ARHGEF10L: variants seen among roughly 807,000 people sequenced by gnomAD.
The protein encoded by ARHGEF10L is Rho guanine nucleotide exchange factor 10 like, also known as rho guanine nucleotide exchange factor 10-like protein.
In ARHGEF10L, 69 loss-of-function variants were observed where a neutral mutation model predicts 141.2. The ratio of observed to expected loss-of-function variants is 0.49; its 90% confidence interval spans 0.40 to 0.60. The LOEUF (loss-of-function observed/expected upper bound fraction) is 0.60, where lower values mean the gene tolerates loss of function less well. Ranked by LOEUF, ARHGEF10L falls within the 20% of genes least tolerant of loss-of-function variation. ARHGEF10L has a pLI of 0.00. For synonymous variants in ARHGEF10L, 711 were observed against 718.5 expected, an observed-to-expected ratio of 0.99 and a Z score of 0.17; for missense variants, 1,482 against 1,734.3, an observed-to-expected ratio of 0.85 and a Z score of 2.58.
At position 17,655,940 on chromosome 1, in the gene ARHGEF10L, C is replaced by A; in HGVS notation, c.2543C>A (p.Ser848Ter). Residue 848 changes from serine (S) to a stop codon, truncating the protein, a stop_gained, in exon 24 of 29, where the codon TCG becomes TAG. Coordinates refer to ENST00000361221, the MANE Select transcript of ARHGEF10L (RefSeq NM_018125.4). LOFTEE classifies it high-confidence loss of function. ...GAAATCTTTTCCTTGAACCGGCCCT[C>A]GCCCCGCACCGTCAAGTCCTTCCCA... ...QVEIFSLNRP[S>*]PRTVKSFPLA... 6.4e-7 allele frequency: 1 copy of A among 1,559,070 alleles called. No individual in the cohort carries two copies. Among genetic ancestry groups the A allele is most frequent in the Non-Finnish European group, 8.7e-7 (1 of 1,151,128 alleles).
intron 27 of ARHGEF10L, among the ~76,000 whole-genome samples, chr1:17,690,541 G>A (rs1041314706): frequency 8.5e-5 from 13 of 152,368 alleles, no homozygotes; most frequent in African/African-American, 2.4e-4. Flanking sequence ...CATTCCTGTC[G>A]CATCAGCTGC....
chr1:17,544,338 T>C (rs2076840684), intron 1 of ARHGEF10L, among the ~76,000 whole-genome samples: 1 of 151,956 alleles, frequency 6.6e-6, no homozygotes, highest in African/African-American at 2.4e-5. Context: ...TTGCTCAGGC[T>C]GGAGTGCAAT....
rs757680865 is a variant in ARHGEF10L, at chr1:17,621,878, T to C, written c.957T>C (p.His319=). The C allele has an allele frequency of 1.2e-6, 2 of 1,614,132 alleles. No individual in the cohort carries two copies. The highest frequency in any genetic ancestry group is 1.1e-5 in the South Asian group (1 of 91,080). Residue 319 remains histidine (H), a synonymous_variant, in exon 11 of 29, where the codon CAT becomes CAC. Transcript: ENST00000361221. The surrounding 1 kb of genome is among the most constrained non-coding windows in gnomAD (Gnocchi z 4.1). ...GGCCCGAGCAGGTGGTCCGGAGGCA[T>C]ATCCTGGGCTCCATCGTGCAGAGCG... ...GLSPQQVVRR[H]ILGSIVQSEG...
chr1:17,685,841 A>T (rs1015894531), intron 26 of ARHGEF10L, among the ~76,000 whole-genome samples: 7 of 152,258 alleles, frequency 4.6e-5, no homozygotes, highest in Non-Finnish European at 7.3e-5. Context: ...TGAAGCTGCC[A>T]AGGAAGTCAG....
chr1:17,588,520 G>A, intron 4 of ARHGEF10L, 41 bp downstream of exon 4: 1 of 1,613,364 alleles, frequency 6.2e-7, no homozygotes. Flanking sequence ...GTTGGAAACA[G>A]GGAGACACCG....
chr1:17,630,420 G>A (rs995921914), intron 15 of ARHGEF10L, among the ~76,000 whole-genome samples: 1 of 152,240 alleles, frequency 6.6e-6, no homozygotes, highest in Non-Finnish European at 1.5e-5. Flanking sequence ...GGGGCGGGGG[G>A]CCCTGCTGTC....
At chr1:17,546,837 T>C (rs563032702) in intron 1 of ARHGEF10L, among the ~76,000 whole-genome samples, 2 of 152,332 alleles carry the variant, frequency 1.3e-5, no homozygotes, top group African/African-American at 4.8e-5. Context: ...GAGCTAATAC[T>C]AATGGCTCAT....
Position 17,634,582 on chromosome 1 carries a change from C to T in ARHGEF10L, c.1745+20C>T. On this transcript the variant is annotated intron_variant, in intron 17 of 28. Transcript: ENST00000361221. Reference sequence around the variant, plus strand: ...CCACAGGTACGTGGTTCAGGGGGCTCCGGGGCTCTGGGGCTCTGGGGCTCT... The same window carrying T: ...CCACAGGTACGTGGTTCAGGGGGCTTCGGGGCTCTGGGGCTCTGGGGCTCT... The T allele has an allele frequency of 6.2e-7, 1 of 1,613,528 alleles. No homozygotes were observed.
chr1:17,678,139 G>A (rs547518373), intron 26 of ARHGEF10L, among the ~76,000 whole-genome samples: 1 of 152,268 alleles, frequency 6.6e-6, no homozygotes, highest in South Asian at 2.1e-4. Context: ...GCTCAGCCCT[G>A]GCACCTGCTT....
chr1:17,568,317 C>G (rs926485417), intron 1 of ARHGEF10L, among the ~76,000 whole-genome samples: 26 of 152,336 alleles, frequency 1.7e-4, no homozygotes, highest in African/African-American at 6.0e-4. Flanking sequence ...ATTAGAACAG[C>G]CCTGTGCATG....
intron 25 of ARHGEF10L, among the ~76,000 whole-genome samples, chr1:17,663,735 A>C (rs1042185406): frequency 1.4e-4 from 22 of 152,156 alleles, no homozygotes; most frequent in Non-Finnish European, 2.8e-4. Context: ...CTCAGAGACA[A>C]TCTTGTCAGC....
Position 17,607,769 on chromosome 1 carries a change from G to T in ARHGEF10L, c.434-33G>T. On this transcript the variant is annotated intron_variant, in intron 6 of 28. Coordinates refer to ENST00000361221, the MANE Select transcript of ARHGEF10L (RefSeq NM_018125.4). The surrounding 1 kb of genome is among the most constrained non-coding windows in gnomAD (Gnocchi z 4.5). ...GAAGTCTGGTAGGCTTGGCCTCAGG[G>T]CCTGGGCTCACCGGCTGCCGCTTGG... 6.6e-7 allele frequency: 1 copy of T among 1,519,650 alleles called. No individual in the cohort carries two copies. Among genetic ancestry groups the T allele is most frequent in the African/African-American group, 1.4e-5 (1 of 70,918 alleles). The allele number at this position is 1,519,650 out of a possible 1,614,324, so 94.1% of individuals were successfully genotyped here.
In ARHGEF10L at chr1:17,555,623, G is replaced by A. The variant is rs563443750; in HGVS notation, c.-44+15673G>A. 3.3e-5 allele frequency among the ~76,000 whole-genome samples: 5 copies of A among 152,314 alleles called. No individual in the cohort carries two copies. The South Asian group carries it at 1.0e-3, about 32-fold the overall frequency. ...ACCCACCTTGGCCTCCCAAAGTGCTGGGATTACAGGTGTGAACCACCACGC... is the reference window on the plus strand; with the variant it reads ...ACCCACCTTGGCCTCCCAAAGTGCTAGGATTACAGGTGTGAACCACCACGC... On this transcript the variant is annotated intron_variant, in intron 1 of 28. Coordinates refer to ENST00000361221, the MANE Select transcript of ARHGEF10L (RefSeq NM_018125.4).
chr1:17,597,688 G>A (rs189073393), intron 4 of ARHGEF10L, among the ~76,000 whole-genome samples: 1 of 152,314 alleles, frequency 6.6e-6, no homozygotes, highest in Admixed American at 6.5e-5. Context: ...CCACTTGCTG[G>A]TCAGGTGACT....
chr1:17,575,213 G>A (rs1469666040), intron 1 of ARHGEF10L, among the ~76,000 whole-genome samples: 2 of 152,176 alleles, frequency 1.3e-5, no homozygotes, highest in Non-Finnish European at 2.9e-5. Context: ...GTGTCTGCAG[G>A]CATGTACCTG....
rs1449364721 is a variant in ARHGEF10L, at chr1:17,673,456, G to T, written c.3009+8861G>T. On this transcript the variant is annotated intron_variant, in intron 26 of 28. Transcript: ENST00000361221. The surrounding 1 kb of genome is among the most constrained non-coding windows in gnomAD (Gnocchi z 4.1). ...CTGAATGTCAGCTGCTAGGCTGAGG[G>T]CTTAATGCAGTGGAGGTCAGGCCCT... 2.0e-5 allele frequency among the ~76,000 whole-genome samples: 3 copies of T among 152,322 alleles called. No homozygotes were observed. In the East Asian group the frequency reaches 5.8e-4, roughly 29 times the overall value.
intron 26 of ARHGEF10L, among the ~76,000 whole-genome samples, chr1:17,665,697 G>C (rs1409896378): frequency 6.6e-6 from 1 of 152,216 alleles, no homozygotes; most frequent in African/African-American, 2.4e-5. Context: ...TTTCCTTACT[G>C]TATCAGTCAG....
chr1:17,643,998 TCCCCCGCCA>T (rs2061458691), intron 21 of ARHGEF10L, among the ~76,000 whole-genome samples: 1 of 151,862 alleles, frequency 6.6e-6, no homozygotes, highest in South Asian at 2.1e-4. Flanking sequence ...TCCTGTACCC[TCCCCCGCCA>T]CCACCTGCTC....
At chr1:17,544,548 G>A (rs1030091242) in intron 1 of ARHGEF10L, among the ~76,000 whole-genome samples, 22 of 152,098 alleles carry the variant, frequency 1.4e-4, no homozygotes, top group Non-Finnish European at 2.6e-4. Context: ...GCCCACCTCA[G>A]CCTCCCAAAG....
Sources: gnomAD v4.1 joint callset for allele counts (sites outside exome capture counted in the v4.1 genomes callset) on GRCh38, gnomAD v4.1.1 for gene constraint, Gnocchi (gnomAD v3.1) non-coding constraint, MANE v1.5 for transcripts, NCBI Gene and HGNC (gene_info 2026-07-23, HGNC 2026-07-21) for gene names.